The following R3HDML variants were observed in gnomAD, a reference collection of about 807,000 sequenced individuals.
R3HDML encodes R3H domain containing like, also known as peptidase inhibitor R3HDML.
Under a neutral mutation model 24.2 loss-of-function variants are expected in R3HDML, and 21 were observed. The observed-to-expected ratio is 0.87, with a 90% confidence interval of 0.62 to 1.25. R3HDML has a LOEUF of 1.25. Ranked by LOEUF, R3HDML falls within the 50% of genes most tolerant of loss-of-function variation. The pLI is 0.00. For synonymous variants in R3HDML, 133 were observed against 131.5 expected, an observed-to-expected ratio of 1.01 and a Z score of -0.08; for missense variants, 301 against 340.3, an observed-to-expected ratio of 0.88 and a Z score of 0.91.
At position 44,337,865 on chromosome 20, in the gene R3HDML, C is replaced by T. The variant is rs1035589503; in HGVS notation, c.261+447C>T. 7.2e-5 allele frequency among the ~76,000 whole-genome samples: 11 copies of T among 152,140 alleles called. No individual in the cohort carries two copies. The highest frequency in any genetic ancestry group is 1.9e-4 in the East Asian group (1 of 5,178). ...CCACACTGGGGACCTGCATGGGGTG[C>T]GTGGCTGGTGCTTTCTATGCTATTG... is the stretch of plus-strand genomic sequence containing the variant. On this transcript the variant is annotated intron_variant, in intron 1 of 4. Transcript: ENST00000217043. The surrounding 1 kb of genome is among the most constrained non-coding windows in gnomAD (Gnocchi z 4.7).
At chr20:44,348,441 CCCTTTTT>C (rs920511383) in intron 4 of R3HDML, among the ~76,000 whole-genome samples, 13 of 150,974 alleles carry the variant, frequency 8.6e-5, no homozygotes, top group African/African-American at 2.7e-4. Context: ...CTTTCCTTTT[CCCTTTTT>C]CCTTTCCCTT....
At chr20:44,342,649 G>A (rs1460740656) in intron 2 of R3HDML, among the ~76,000 whole-genome samples, 1 of 152,170 alleles carries the variant, frequency 6.6e-6, no homozygotes, top group African/African-American at 2.4e-5. Context: ...TCAAATATGT[G>A]TAATAGAAAA....
chr20:44,350,514 GAAAGAAAAA>G, intron 4 of R3HDML, 137 bp from the exon 5 acceptor site: 1 of 612,446 alleles, frequency 1.6e-6, no homozygotes, highest in African/African-American at 2.2e-5. Context: ...ATAAATAAAG[GAAAGAAAAA>G]AAAGAAACCA....
In R3HDML at chr20:44,348,574, C is replaced by T. The variant is rs541671102; in HGVS notation, c.630-2086C>T. 1.3e-4 allele frequency among the ~76,000 whole-genome samples: 19 copies of T among 151,866 alleles called. No homozygotes were observed. In the East Asian group the frequency reaches 3.3e-3, roughly 26 times the overall value. On this transcript the variant is annotated intron_variant, in intron 4 of 4. Coordinates refer to ENST00000217043, the MANE Select transcript of R3HDML (RefSeq NM_178491.4). Reference sequence around the variant, plus strand: ...CTGGAGTGCAGTGGCAGAATCTCAGCTCTGCAACCTCCACGTTCCTGGTTC... The same window carrying T: ...CTGGAGTGCAGTGGCAGAATCTCAGTTCTGCAACCTCCACGTTCCTGGTTC...
Position 44,337,486 on chromosome 20 carries a change from T to C in R3HDML, c.261+68T>C. 6.5e-7 allele frequency: 1 copy of C among 1,528,416 alleles called. No homozygotes were observed. The highest frequency in any genetic ancestry group is 8.9e-7 in the Non-Finnish European group (1 of 1,119,782). 94.7% of individuals were successfully genotyped at this position (1,528,416 alleles called of 1,614,324 possible). A position where few individuals can be genotyped will look rare whatever the true frequency, so the allele number is the denominator to read the frequency against. On this transcript the variant is annotated intron_variant, in intron 1 of 4. Transcript: ENST00000217043. The surrounding 1 kb of genome is among the most constrained non-coding windows in gnomAD (Gnocchi z 4.7). ...CCGGCAAACGCAGCCGGACTCATCT[T>C]GGCCTAGAATGACTGGCTTTGAAGA...
At chr20:44,350,528 A>G (rs1204363964) in intron 4 of R3HDML, 132 bp from the exon 5 acceptor site, 1 of 735,752 alleles carries the variant, frequency 1.4e-6, no homozygotes, top group Non-Finnish European at 2.1e-6. Flanking sequence ...GAAAAAAAAG[A>G]AACCAAGGCT....
At chr20:44,345,738 G>A (rs2062784833) in intron 4 of R3HDML, among the ~76,000 whole-genome samples, 1 of 152,012 alleles carries the variant, frequency 6.6e-6, no homozygotes, top group Non-Finnish European at 1.5e-5. Flanking sequence ...GGAGGTTGAG[G>A]CTGCAGTGAG....
intron 2 of R3HDML, among the ~76,000 whole-genome samples, chr20:44,341,711 C>T (rs1231346030): frequency 6.6e-6 from 1 of 152,034 alleles, no homozygotes; most frequent in Non-Finnish European, 1.5e-5. Context: ...ATGGTGAAAC[C>T]CCGTCTCTAC....
intron 4 of R3HDML, among the ~76,000 whole-genome samples, chr20:44,345,708 G>A (rs1264406744): frequency 2.0e-5 from 3 of 151,942 alleles, no homozygotes; most frequent in South Asian, 2.1e-4. Context: ...GGGGTGAGGC[G>A]GGAGGGTCAC....
intron 2 of R3HDML, among the ~76,000 whole-genome samples, chr20:44,341,728 T>C (rs528532598): frequency 2.6e-5 from 4 of 152,092 alleles, no homozygotes; most frequent in South Asian, 4.2e-4. Context: ...CTACCAAAAA[T>C]ACAAAAATTA....
In R3HDML at chr20:44,350,850, C is replaced by CA; in HGVS notation, c.*64dup. On this transcript the variant is annotated 3_prime_UTR_variant, in exon 5 of 5. Transcript: ENST00000217043. ...GGCCTGACCCTCCATGTCCTGCCCT[C>CA]AAAAAACTGGGTGGAGAAATAATTG... The CA allele has an allele frequency of 1.9e-6, 3 of 1,574,260 alleles. No individual in the cohort carries two copies. Among genetic ancestry groups the CA allele is most frequent in the Non-Finnish European group, 2.6e-6 (3 of 1,159,588 alleles).
At chr20:44,348,520 T>TTTCCTTTCCTTTCCTTTCCTTTCC (rs1555804779) in intron 4 of R3HDML, among the ~76,000 whole-genome samples, 88 of 87,446 alleles carry the variant, frequency 1.0e-3, no homozygotes, top group Non-Finnish European at 1.9e-3. Context: ...CTTTCCTTTC[T>TTTCCTTTCCTTTCCTTTCCTTTCC]TTTCTTCTGT....
chr20:44,348,140 A>G (rs1028011990), intron 4 of R3HDML, among the ~76,000 whole-genome samples: 1 of 152,050 alleles, frequency 6.6e-6, no homozygotes, highest in Non-Finnish European at 1.5e-5. Flanking sequence ...TAAGATTTTT[A>G]GCCTCTGGGG....
rs1422889089 is a variant in R3HDML at position 44,350,890 on chromosome 20, A to G, written c.*98A>G. The G allele has an allele frequency of 1.4e-6, 2 of 1,401,550 alleles. No individual in the cohort carries two copies. The highest frequency in any genetic ancestry group is 2.0e-6 in the Non-Finnish European group (2 of 1,014,996). The allele number at this position is 1,401,550 out of a possible 1,614,324, so 86.8% of individuals were successfully genotyped here. On this transcript the variant is annotated 3_prime_UTR_variant, in exon 5 of 5. Coordinates refer to ENST00000217043, the MANE Select transcript of R3HDML (RefSeq NM_178491.4). Reference sequence around the variant, plus strand: ...AGAAATAATTGTTTCTTTAAAGGATATGAGTTAGAATCACCCCCTGTTGAA... The same window carrying G: ...AGAAATAATTGTTTCTTTAAAGGATGTGAGTTAGAATCACCCCCTGTTGAA...
chr20:44,345,085 G>T (rs1408448000), intron 3 of R3HDML, among the ~76,000 whole-genome samples, 178 bp from the exon 4 acceptor site: 1 of 152,170 alleles, frequency 6.6e-6, no homozygotes, highest in Non-Finnish European at 1.5e-5. Flanking sequence ...GTAATAAAAA[G>T]AAAACATTGA....
At chr20:44,339,005 C>T (rs538204907) in intron 1 of R3HDML, among the ~76,000 whole-genome samples, 4 of 148,336 alleles carry the variant, frequency 2.7e-5, no homozygotes, top group African/African-American at 7.5e-5. Context: ...CCTGGGAGGC[C>T]GAGGTTGCAG....
chr20:44,349,894 AC>A (rs1273885752), intron 4 of R3HDML, among the ~76,000 whole-genome samples: 15 of 152,204 alleles, frequency 9.9e-5, no homozygotes, highest in African/African-American at 3.6e-4. Flanking sequence ...ACATGGTGAA[AC>A]CCTGTCTGTA....
rs1428973643 is a variant in R3HDML at position 44,350,663 on chromosome 20, C to A, written c.633C>A (p.Gly211=). Residue 211 remains glycine (G), a synonymous_variant, in exon 5 of 5, where the codon GGC becomes GGA. Transcript: ENST00000217043. ...CCTGGGTCCTTTTCTCTTCCAGGGG[C>A]AACTGGATTGGCGAGTCCCCGTACA... ...AYLVCNYAIK[G]NWIGESPYKM... The A allele has an allele frequency of 6.2e-7, 1 of 1,612,738 alleles. No individual in the cohort carries two copies. Among genetic ancestry groups the A allele is most frequent in the Non-Finnish European group, 8.5e-7 (1 of 1,179,528 alleles).
At chr20:44,340,748 G>A (rs1459465941) in intron 1 of R3HDML, among the ~76,000 whole-genome samples, 4 of 152,188 alleles carry the variant, frequency 2.6e-5, no homozygotes, top group Non-Finnish European at 4.4e-5. Flanking sequence ...AGAGGTTGCA[G>A]TGAGCTGCGA....
Sources: gnomAD v4.1 joint callset for allele counts (sites outside exome capture counted in the v4.1 genomes callset) on GRCh38, gnomAD v4.1.1 for gene constraint, Gnocchi (gnomAD v3.1) non-coding constraint, MANE v1.5 for transcripts, NCBI Gene and HGNC (gene_info 2026-07-23, HGNC 2026-07-21) for gene names.